The following SSBP2 variants were observed in gnomAD, a reference collection of about 807,000 sequenced individuals.
The protein encoded by SSBP2 is single stranded DNA binding protein 2, also known as single-stranded DNA-binding protein 2.
Under a neutral mutation model 61.8 loss-of-function variants are expected in SSBP2, and 17 were observed. The ratio of observed to expected loss-of-function variants is 0.28; its 90% CI spans 0.19 to 0.41. The LOEUF (loss-of-function observed/expected upper bound fraction) is 0.41, where lower values mean the gene tolerates loss of function less well. SSBP2 is among the 10% of genes least tolerant of loss of function. SSBP2 has a pLI of 1.00. For missense variants in SSBP2, 310 were observed against 458.7 expected (o/e 0.68, Z 2.96); for synonymous variants, 139 against 141.3 (o/e 0.98, Z 0.12).
intron 10 of SSBP2, among the ~76,000 whole-genome samples, chr5:81,451,588 G>C (rs187960966): frequency 0.011 from 1,697 of 152,124 alleles, 16 homozygotes; most frequent in Middle Eastern, 0.027. Flanking sequence ...TATCACGCCC[G>C]GCTAATTTTT....
chr5:81,688,480 G>C (rs115099171), intron 1 of SSBP2, among the ~76,000 whole-genome samples: 1 of 152,190 alleles, frequency 6.6e-6, no homozygotes, highest in South Asian at 2.1e-4. Context: ...ACCCAGTGCT[G>C]GACCAGCTTC....
At chr5:81,727,811 A>C (rs929775388) in intron 1 of SSBP2, among the ~76,000 whole-genome samples, 1 of 152,196 alleles carries the variant, frequency 6.6e-6, no homozygotes, top group Non-Finnish European at 1.5e-5. Flanking sequence ...TGGTCCCTGC[A>C]CTCATGGAGT....
rs890849248 is a variant in SSBP2, at chr5:81,546,823, G to A, written c.283-33106C>T. Reference sequence around the variant, plus strand: ...AAAAATGACTTTTCAAAAGAAACCTGCCTTCTAACACAATGCCAATCTTAT... The same window carrying A: ...AAAAATGACTTTTCAAAAGAAACCTACCTTCTAACACAATGCCAATCTTAT... On this transcript the variant is annotated intron_variant, in intron 4 of 16. Coordinates refer to ENST00000320672, the MANE Select transcript of SSBP2 (RefSeq NM_012446.5). Among the ~76,000 whole-genome samples, 17 of 151,732 alleles carry A rather than the reference G, an allele frequency of 1.1e-4. No homozygotes were observed. In the East Asian group the frequency reaches 2.1e-3, roughly 19 times the overall value.
At chr5:81,665,739 A>T (rs1022406826) in intron 1 of SSBP2, among the ~76,000 whole-genome samples, 2 of 152,166 alleles carry the variant, frequency 1.3e-5, no homozygotes, top group Non-Finnish European at 2.9e-5. Flanking sequence ...TCCTGACCTC[A>T]GGTGATCTAC....
intron 4 of SSBP2, among the ~76,000 whole-genome samples, chr5:81,543,233 G>A (rs969577142): frequency 4.6e-5 from 7 of 152,032 alleles, no homozygotes; most frequent in African/African-American, 1.7e-4. Flanking sequence ...AGTTTCCTGA[G>A]TCCTCCCCAG....
intron 10 of SSBP2, among the ~76,000 whole-genome samples, chr5:81,449,993 C>T (rs1763662566): frequency 6.6e-6 from 1 of 152,054 alleles, no homozygotes; most frequent in Admixed American, 6.6e-5. Context: ...TCTCTTGGGT[C>T]CCTTTCAGTT....
At chr5:81,473,824 A>G in intron 7 of SSBP2, 54 bp from the exon 8 acceptor site, 4 of 1,505,262 alleles carry the variant, frequency 2.7e-6, no homozygotes, top group Admixed American at 3.3e-5. Flanking sequence ...ACTAAACCAG[A>G]GGCTAGCAGC....
rs1045716231 is a variant in SSBP2 at position 81,417,636 on chromosome 5, A to G, written c.*2868T>C. 11 of 152,338 alleles carry G rather than the reference A, an allele frequency of 7.2e-5. No homozygotes were observed. The highest frequency in any genetic ancestry group is 2.4e-4 in the African/African-American group (10 of 41,592). 9.4% of individuals were successfully genotyped at this position (152,338 alleles called of 1,614,324 possible). A position where few individuals can be genotyped will look rare whatever the true frequency, so the allele number is the denominator to read the frequency against. On this transcript the variant is annotated 3_prime_UTR_variant, in exon 17 of 17. Coordinates refer to ENST00000320672, the MANE Select transcript of SSBP2 (RefSeq NM_012446.5). ...AATAGTCTTATTACAAGAAAAAAGGATAAGGGTTAAATGATTCAAAATCTA... is the reference window on the plus strand; with the variant it reads ...AATAGTCTTATTACAAGAAAAAAGGGTAAGGGTTAAATGATTCAAAATCTA...
intron 4 of SSBP2, among the ~76,000 whole-genome samples, chr5:81,597,722 A>G (rs1478378780): frequency 2.0e-5 from 3 of 151,964 alleles, no homozygotes; most frequent in Non-Finnish European, 4.4e-5. Context: ...CATGGATGAA[A>G]CTGGAAACCA....
chr5:81,438,580 G>T (rs1345049771), intron 14 of SSBP2, among the ~76,000 whole-genome samples: 1 of 151,860 alleles, frequency 6.6e-6, no homozygotes, highest in African/African-American at 2.4e-5. Flanking sequence ...ATTAAATACC[G>T]AATGCATATA....
At chr5:81,498,513 T>C (rs1191143920) in intron 5 of SSBP2, among the ~76,000 whole-genome samples, 2 of 152,070 alleles carry the variant, frequency 1.3e-5, no homozygotes, top group African/African-American at 4.8e-5. Flanking sequence ...TATAAAATGA[T>C]AAAAATGACT....
At chr5:81,565,491 T>G (rs1422590800) in intron 4 of SSBP2, among the ~76,000 whole-genome samples, 2 of 152,154 alleles carry the variant, frequency 1.3e-5, no homozygotes, top group East Asian at 3.8e-4. Context: ...AACATACATA[T>G]ACGACAGGTG....
intron 3 of SSBP2, among the ~76,000 whole-genome samples, chr5:81,636,189 C>G (rs1022600961): frequency 6.6e-6 from 1 of 152,130 alleles, no homozygotes; most frequent in Admixed American, 6.5e-5. Flanking sequence ...GAAGACAGCC[C>G]TCACCAGAAA....
chr5:81,501,012 G>A (rs918371152), intron 5 of SSBP2, among the ~76,000 whole-genome samples: 1 of 149,538 alleles, frequency 6.7e-6, no homozygotes, highest in Non-Finnish European at 1.5e-5. Flanking sequence ...TCAGGAGTTT[G>A]AAACCAGCCT....
intron 10 of SSBP2, among the ~76,000 whole-genome samples, chr5:81,453,675 C>T (rs1193489067): frequency 1.3e-5 from 2 of 152,016 alleles, no homozygotes; most frequent in Admixed American, 6.6e-5. Context: ...CCAGGATGGT[C>T]TCGATCTCCT....
At chr5:81,531,990 G>C (rs762076025) in intron 4 of SSBP2, among the ~76,000 whole-genome samples, 15 of 152,066 alleles carry the variant, frequency 9.9e-5, no homozygotes, top group Non-Finnish European at 1.8e-4. Context: ...TCTGTCAAGA[G>C]ATATGAAGTT....
chr5:81,751,076 C>T lies in SSBP2; in HGVS notation c.-34G>A, dbSNP rs1419215416. On this transcript the variant is annotated 5_prime_UTR_variant, in exon 1 of 17. The change creates a new upstream start codon in the 5' untranslated region. Coordinates refer to ENST00000320672, the MANE Select transcript of SSBP2 (RefSeq NM_012446.5). Reference sequence around the variant, plus strand: ...CGAGAGCAGCTCCCACTGTCACGCACCTGTCAACCCATCACAGCCTCCCCG... The same window carrying T: ...CGAGAGCAGCTCCCACTGTCACGCATCTGTCAACCCATCACAGCCTCCCCG... The T allele has an allele frequency of 2.6e-6, 4 of 1,568,234 alleles. No homozygotes were observed. The East Asian group carries it at 9.5e-5, about 37-fold the overall frequency.
intron 8 of SSBP2, among the ~76,000 whole-genome samples, chr5:81,469,477 C>T (rs1318118548): frequency 1.3e-5 from 2 of 151,816 alleles, no homozygotes; most frequent in African/African-American, 4.8e-5. Flanking sequence ...TTACTTGCCT[C>T]TTTATGTAAT....
intron 1 of SSBP2, among the ~76,000 whole-genome samples, chr5:81,708,435 T>G (rs555902116): frequency 1.8e-4 from 27 of 152,238 alleles, no homozygotes; most frequent in African/African-American, 6.0e-4. Flanking sequence ...ATAGAAACAC[T>G]TTAATGAGTT....
Sources: gnomAD v4.1 joint callset for allele counts (sites outside exome capture counted in the v4.1 genomes callset) on GRCh38, gnomAD v4.1.1 for gene constraint, MANE v1.5 for transcripts, NCBI Gene and HGNC (gene_info 2026-07-23, HGNC 2026-07-21) for gene names.